The following UNC93A variants were observed in gnomAD, a reference collection of about 807,000 sequenced individuals.
UNC93A encodes the protein unc-93 homolog A.
UNC93A carries 43 observed loss-of-function variants against 47.5 expected under a neutral mutation model. The ratio of observed to expected loss-of-function variants is 0.91; its 90% CI spans 0.71 to 1.17. UNC93A has a LOEUF of 1.17. Ranked by LOEUF, UNC93A falls within the 50% of genes most tolerant of loss-of-function variation. The pLI, the probability that UNC93A is intolerant of heterozygous loss-of-function variation, is 0.00. For missense variants in UNC93A, 605 were observed against 577.6 expected, an observed-to-expected ratio of 1.05 and a Z score of -0.49; for synonymous variants, 280 against 258.0, an observed-to-expected ratio of 1.09 and a Z score of -0.82.
chr6:167,296,603 T>C (rs1411718417), intron 3 of UNC93A, among the ~76,000 whole-genome samples: 1 of 152,246 alleles, frequency 6.6e-6, no homozygotes, highest in Non-Finnish European at 1.5e-5. Flanking sequence ...CTTTTTAGAC[T>C]AAGGATGGGG....
chr6:167,289,902 T>C (rs374312), upstream of UNC93A, among the ~76,000 whole-genome samples: 101,430 of 151,956 alleles, frequency 0.67, 33,896 homozygotes, highest in African/African-American at 0.68. Flanking sequence ...CATATTATTC[T>C]AATTTGTATT....
rs34604614 is a variant in UNC93A, at chr6:167,296,207, G to A, written c.445G>A (p.Gly149Ser). 5.4e-4 allele frequency: 872 copies of A among 1,614,202 alleles called. 3 individuals carry two copies. The African/African-American group carries it at 0.01, about 19-fold the overall frequency. Residue 149 changes from glycine (G) to serine (S), a missense_variant, in exon 3 of 8, where the codon GGT (glycine) becomes AGT (serine). Coordinates refer to ENST00000230256, the MANE Select transcript of UNC93A (RefSeq NM_018974.4). ...GIFFLIFQSS[G>S]VWGNLISSLV... ...CTTCTTCCTCATATTCCAGTCATCCGGTGTGTGGGGCAACTTGATCTCATC... is the reference window on the plus strand; with the variant it reads ...CTTCTTCCTCATATTCCAGTCATCCAGTGTGTGGGGCAACTTGATCTCATC...
intron 1 of UNC93A, among the ~76,000 whole-genome samples, chr6:167,293,289 C>A (rs898244995): frequency 4.6e-5 from 7 of 152,158 alleles, no homozygotes; most frequent in Non-Finnish European, 8.8e-5. Flanking sequence ...ATGATGTCAG[C>A]CCTTCCTTCT....
intron 6 of UNC93A, 22 bp from the exon 7 acceptor site, chr6:167,307,757 G>A (rs771319694): frequency 2.3e-5 from 36 of 1,583,812 alleles, no homozygotes; most frequent in African/African-American, 6.1e-5. Flanking sequence ...ATCGCCTGGC[G>A]GTTTCCCCTC....
chr6:167,296,216 G>A lies in UNC93A; in HGVS notation c.454G>A (p.Gly152Ser), dbSNP rs141633499. Residue 152 changes from glycine (G) to serine (S), a missense_variant, in exon 3 of 8, where the codon GGC becomes AGC. Transcript: ENST00000230256. ...FLIFQSSGVW[G>S]NLISSLVFGQ... ...CATATTCCAGTCATCCGGTGTGTGG[G>A]GCAACTTGATCTCATCGCTGGTATT... 3.7e-6 allele frequency: 6 copies of A among 1,614,070 alleles called. No individual in the cohort carries two copies. The African/African-American group carries it at 6.7e-5, about 18-fold the overall frequency.
At chr6:167,295,887 C>T in intron 2 of UNC93A, 145 bp from the exon 3 acceptor site, 2 of 686,804 alleles carry the variant, frequency 2.9e-6, no homozygotes, top group South Asian at 1.9e-5. Flanking sequence ...TGAATCCATC[C>T]ATCCAACCAG....
chr6:167,305,049 C>T (rs886350701), intron 5 of UNC93A, among the ~76,000 whole-genome samples: 5 of 152,166 alleles, frequency 3.3e-5, no homozygotes, highest in Non-Finnish European at 7.3e-5. Flanking sequence ...AGAGCTGGAC[C>T]AGCAAGGGCC....
rs201799845 is a variant in UNC93A at position 167,303,909 on chromosome 6, G to A, written c.626-10G>A. ...CCATGAAAGCTGAAGCCTTTGCTATGTCCTTTCAGGGAGTGGTGTCCTGGC... is the reference window on the plus strand; with the variant it reads ...CCATGAAAGCTGAAGCCTTTGCTATATCCTTTCAGGGAGTGGTGTCCTGGC... On this transcript the variant is annotated splice_polypyrimidine_tract_variant and intron_variant, in intron 4 of 7. Transcript: ENST00000230256. The A allele has an allele frequency of 1.2e-6, 2 of 1,613,734 alleles. No individual in the cohort carries two copies. Among genetic ancestry groups the A allele is most frequent in the Admixed American group, 1.7e-5 (1 of 59,954 alleles).
chr6:167,286,007 T>C (rs896174759), intron 1 of UNC93A, among the ~76,000 whole-genome samples: 1 of 149,138 alleles, frequency 6.7e-6, no homozygotes, highest in Non-Finnish European at 1.5e-5. Context: ...GAGCCTATAA[T>C]ACATTTTGTA....
chr6:167,284,120 G>A (rs989856305), intron 1 of UNC93A, among the ~76,000 whole-genome samples: 2 of 152,118 alleles, frequency 1.3e-5, no homozygotes, highest in Non-Finnish European at 2.9e-5. Flanking sequence ...GCTCACTTCT[G>A]GGCCTGGGGC....
intron 1 of UNC93A, among the ~76,000 whole-genome samples, chr6:167,284,290 C>T (rs534384979): frequency 1.3e-5 from 2 of 151,758 alleles, no homozygotes; most frequent in South Asian, 4.1e-4. Context: ...CTTCATAGAC[C>T]ACAATGATAA....
chr6:167,278,220 G>A (rs1205053907), intron 1 of UNC93A, among the ~76,000 whole-genome samples: 1 of 152,200 alleles, frequency 6.6e-6, no homozygotes, highest in Non-Finnish European at 1.5e-5. Flanking sequence ...ATACCTGAGT[G>A]AGGGCGGGAA....
At chr6:167,314,974 T>A (rs1778651958) in intron 7 of UNC93A, among the ~76,000 whole-genome samples, 1 of 152,182 alleles carries the variant, frequency 6.6e-6, no homozygotes, top group Admixed American at 6.5e-5. Flanking sequence ...GTCCTCAACC[T>A]GGGCAAAATA....
chr6:167,285,952 CTCTCTCTCTATA>C (rs1783721374), intron 1 of UNC93A, among the ~76,000 whole-genome samples: 1 of 140,756 alleles, frequency 7.1e-6, no homozygotes, highest in Non-Finnish European at 1.6e-5. Flanking sequence ...CTCTCTCTCT[CTCTCTCTCTATA>C]TATATATATA....
At chr6:167,295,415 C>T (rs1054981450) in intron 2 of UNC93A, among the ~76,000 whole-genome samples, 1 of 145,098 alleles carries the variant, frequency 6.9e-6, no homozygotes, top group African/African-American at 2.8e-5. Flanking sequence ...TCGTGCTCCT[C>T]GCCTCCCTCG....
intron 1 of UNC93A, among the ~76,000 whole-genome samples, chr6:167,279,488 G>T (rs973308298): frequency 6.6e-6 from 1 of 152,004 alleles, no homozygotes; most frequent in Non-Finnish European, 1.5e-5. Context: ...TTAATATCTT[G>T]GTGCAAGTCA....
chr6:167,272,971 G>C (rs138202473), intron 1 of UNC93A, among the ~76,000 whole-genome samples: 1 of 152,260 alleles, frequency 6.6e-6, no homozygotes, highest in Non-Finnish European at 1.5e-5. Context: ...AAATTTAAGA[G>C]TGCCCTGGCA....
chr6:167,291,735 T>A (rs1783845856), intron 1 of UNC93A, among the ~76,000 whole-genome samples, 159 bp downstream of exon 1: 1 of 152,228 alleles, frequency 6.6e-6, no homozygotes, highest in African/African-American at 2.4e-5. Flanking sequence ...GGTTCTCAGA[T>A]GCAGTCCTAC....
chr6:167,289,366 C>T (rs1363652959), upstream of UNC93A, among the ~76,000 whole-genome samples: 2 of 152,034 alleles, frequency 1.3e-5, no homozygotes, highest in African/African-American at 4.8e-5. Context: ...TATTCTGCTA[C>T]AGAGAAAAGG....
Sources: allele counts gnomAD v4.1 joint callset (sites outside exome capture counted in the v4.1 genomes callset), GRCh38; gene constraint gnomAD v4.1.1; transcripts MANE v1.5; gene names NCBI Gene and HGNC (gene_info 2026-07-23, HGNC 2026-07-21).